Variants in ASCC3 observed in about 807,000 individuals in gnomAD.
The protein encoded by ASCC3 is activating signal cointegrator 1 complex subunit 3, also known as ASC-1 complex subunit P200.
ASCC3 carries 158 observed loss-of-function variants against 256.3 expected under a neutral mutation model. The observed-to-expected ratio is 0.62, with a 90% CI of 0.54 to 0.70. The LOEUF (loss-of-function observed/expected upper bound fraction) is 0.70, where lower values mean the gene tolerates loss of function less well. Among genes scored for constraint, ASCC3 ranks in the 30% least tolerant of loss-of-function variants. The pLI is 0.00. For synonymous variants in ASCC3, 948 were observed against 883.4 expected, an observed-to-expected ratio of 1.07 and a Z score of -1.30; for missense variants, 2,259 against 2,626.0, an observed-to-expected ratio of 0.86 and a Z score of 3.05.
intron 10 of ASCC3, among the ~76,000 whole-genome samples, chr6:100,748,192 A>G (rs944890225): frequency 4.6e-5 from 7 of 152,034 alleles, no homozygotes; most frequent in Non-Finnish European, 1.5e-5. Flanking sequence ...AACAGGGAAG[A>G]AAATAATCTA....
intron 16 of ASCC3, among the ~76,000 whole-genome samples, chr6:100,657,455 G>A (rs1489230091): frequency 2.0e-5 from 3 of 151,428 alleles, no homozygotes; most frequent in African/African-American, 7.2e-5. Context: ...AAATCTGAGA[G>A]TGTCTCTCCT....
chr6:100,679,520 A>G lies in ASCC3; in HGVS notation c.2286+98T>C. On this transcript the variant is annotated intron_variant, in intron 14 of 41. Coordinates refer to ENST00000369162, the MANE Select transcript of ASCC3 (RefSeq NM_006828.4). ...TATAACATCATAAATCTGCAAAATT[A>G]ACTTCTTGGAAATTGAGACCGTGGA... 4 of 1,554,254 alleles carry G rather than the reference A, an allele frequency of 2.6e-6. No individual in the cohort carries two copies. The South Asian group carries it at 3.4e-5, about 13-fold the overall frequency.
chr6:100,595,996 AAAG>A (rs1772274630), intron 34 of ASCC3, among the ~76,000 whole-genome samples: 2 of 152,176 alleles, frequency 1.3e-5, no homozygotes, highest in African/African-American at 4.8e-5. Context: ...TGAGGTCTGT[AAAG>A]ATATAAATAT....
chr6:100,826,192 C>T (rs1278799984), intron 4 of ASCC3, among the ~76,000 whole-genome samples: 3 of 151,888 alleles, frequency 2.0e-5, no homozygotes, highest in East Asian at 3.9e-4. Flanking sequence ...AGTGCAGTGG[C>T]GTGATCTTGG....
At chr6:100,874,629 A>G (rs927743672) in intron 1 of ASCC3, among the ~76,000 whole-genome samples, 1 of 152,156 alleles carries the variant, frequency 6.6e-6, no homozygotes, top group East Asian at 1.9e-4. Flanking sequence ...ACCATATATT[A>G]GATATTTTAT....
chr6:100,794,260 A>G (rs548648574), intron 8 of ASCC3, among the ~76,000 whole-genome samples: 2 of 152,034 alleles, frequency 1.3e-5, no homozygotes, highest in African/African-American at 4.8e-5. Context: ...ACCTCTTAGC[A>G]TGGTTTTCAA....
At chr6:100,594,994 A>C (rs1772210793) in intron 34 of ASCC3, among the ~76,000 whole-genome samples, 2 of 152,068 alleles carry the variant, frequency 1.3e-5, no homozygotes, top group South Asian at 4.1e-4. Flanking sequence ...GAACCTAAAA[A>C]AGTTAAACTC....
intron 36 of ASCC3, among the ~76,000 whole-genome samples, chr6:100,567,298 A>AT (rs957168483): frequency 7.2e-4 from 110 of 151,920 alleles, no homozygotes; most frequent in African/African-American, 2.6e-3. Flanking sequence ...TTGTACCTTA[A>AT]TTTTTTTTCC....
intron 14 of ASCC3, among the ~76,000 whole-genome samples, chr6:100,679,277 A>G (rs1230589980): frequency 6.6e-6 from 1 of 152,094 alleles, no homozygotes; most frequent in Non-Finnish European, 1.5e-5. Context: ...CAAAACTGAG[A>G]AATTTTTAAA....
In ASCC3 at chr6:100,723,860, TTATATATATATATATATATATATA is replaced by T. The variant is rs58924032; in HGVS notation, c.1902+1655_1902+1678del. 3.6e-5 allele frequency among the ~76,000 whole-genome samples: 4 copies of T among 110,246 alleles called. No individual in the cohort carries two copies. The Admixed American group carries it at 4.3e-4, about 12-fold the overall frequency. 72.3% of individuals were successfully genotyped at this position (110,246 alleles called of 152,430 possible). On this transcript the variant is annotated intron_variant, in intron 11 of 41. Coordinates refer to ENST00000369162, the MANE Select transcript of ASCC3 (RefSeq NM_006828.4). Reference sequence around the variant, plus strand: ...GATATGGCCAGAAGTTATTAGGGAATTATATATATATATATATATATATATATATATATATATTTATAATTATAT... The same window carrying T: ...GATATGGCCAGAAGTTATTAGGGAATTATATATATATATTTATAATTATAT...
At chr6:100,801,743 C>A (rs565476872) in intron 5 of ASCC3, among the ~76,000 whole-genome samples, 2 of 151,526 alleles carry the variant, frequency 1.3e-5, no homozygotes, top group African/African-American at 4.9e-5. Context: ...TACATACCTA[C>A]TATAATAACA....
chr6:100,563,779 TA>T, intron 36 of ASCC3, among the ~76,000 whole-genome samples: 1 of 152,148 alleles, frequency 6.6e-6, no homozygotes, highest in Non-Finnish European at 1.5e-5. Context: ...TTATGTAAGT[TA>T]TAATACACTG....
At chr6:100,686,039 A>C (rs561782334) in intron 13 of ASCC3, among the ~76,000 whole-genome samples, 1 of 152,208 alleles carries the variant, frequency 6.6e-6, no homozygotes, top group South Asian at 2.1e-4. Flanking sequence ...CAAATACTCA[A>C]TGTGTCTTAA....
At chr6:100,855,648 T>C (rs2114523543) in intron 3 of ASCC3, among the ~76,000 whole-genome samples, 1 of 152,372 alleles carries the variant, frequency 6.6e-6, no homozygotes, top group South Asian at 2.1e-4. Context: ...CTGACTTACC[T>C]AAGCAGTTTC....
intron 27 of ASCC3, 141 bp downstream of exon 27, chr6:100,628,874 T>C: frequency 1.3e-6 from 1 of 799,332 alleles, no homozygotes; most frequent in Non-Finnish European, 1.9e-6. Context: ...ATTTAATAAT[T>C]CCACATTATA....
intron 11 of ASCC3, among the ~76,000 whole-genome samples, chr6:100,719,460 A>T (rs922163729): frequency 6.6e-6 from 1 of 152,250 alleles, no homozygotes; most frequent in African/African-American, 2.4e-5. Context: ...TCATTTTTTA[A>T]GACACAATAG....
intron 33 of ASCC3, among the ~76,000 whole-genome samples, chr6:100,603,417 C>T (rs1009099766): frequency 2.0e-5 from 3 of 152,056 alleles, no homozygotes; most frequent in Admixed American, 2.0e-4. Context: ...CCTTTCTTCT[C>T]AAAAGAATAT....
At chr6:100,724,138 T>C (rs1204782214) in intron 11 of ASCC3, among the ~76,000 whole-genome samples, 8 of 101,670 alleles carry the variant, frequency 7.9e-5, no homozygotes, top group African/African-American at 2.9e-4. Flanking sequence ...AAAGAGTAGC[T>C]ACAAAAAAAC....
chr6:100,833,668 A>T (rs764399817), intron 4 of ASCC3, among the ~76,000 whole-genome samples: 13 of 152,226 alleles, frequency 8.5e-5, no homozygotes, highest in Admixed American at 5.2e-4. Context: ...AGAAAAAAAT[A>T]ATTGTAAAGC....
Sources: allele counts gnomAD v4.1 joint callset (sites outside exome capture counted in the v4.1 genomes callset), GRCh38; gene constraint gnomAD v4.1.1; transcripts MANE v1.5; gene names NCBI Gene and HGNC (gene_info 2026-07-23, HGNC 2026-07-21).